Variants in PLEKHM1 observed in about 807,000 individuals in gnomAD.
The protein encoded by PLEKHM1 is pleckstrin homology and RUN domain containing M1, also known as pleckstrin homology domain-containing family M member 1.
PLEKHM1 carries 28 observed loss-of-function variants against 94.3 expected under a neutral mutation model. The observed-to-expected ratio is 0.30, with a 90% CI of 0.22 to 0.41. The LOEUF (loss-of-function observed/expected upper bound fraction) is 0.41, where lower values mean the gene tolerates loss of function less well. Ranked by LOEUF, PLEKHM1 falls within the 10% of genes least tolerant of loss-of-function variation. PLEKHM1 has a pLI of 1.00. For synonymous variants in PLEKHM1, 424 were observed against 581.2 expected, an observed-to-expected ratio of 0.73 and a Z score of 3.89; for missense variants, 907 against 1,358.6, an observed-to-expected ratio of 0.67 and a Z score of 5.22.
intron 5 of PLEKHM1, among the ~76,000 whole-genome samples, chr17:45,464,801 A>G (rs561197911): frequency 2.0e-5 from 3 of 152,358 alleles, no homozygotes; most frequent in South Asian, 4.1e-4. Context: ...TCGATGGTAC[A>G]CTTCGATGAC....
chr17:45,458,468 G>T (rs781580554), intron 5 of PLEKHM1, 29 bp from the exon 6 acceptor site: 50 of 1,597,376 alleles, frequency 3.1e-5, no homozygotes, highest in Middle Eastern at 1.7e-4. Flanking sequence ...ACAGTTGTTT[G>T]TTTTAAAGTT....
At position 45,436,961 on chromosome 17, in the gene PLEKHM1, C is replaced by A. The variant is rs554189954; in HGVS notation, c.*897G>T. ...GGCACCCACCAAGGTGGGCCTGGAG[C>A]ATCTGCAGCAGCGCCCCTGTCTGTA... On this transcript the variant is annotated 3_prime_UTR_variant, in exon 12 of 12. Coordinates refer to ENST00000430334, the MANE Select transcript of PLEKHM1 (RefSeq NM_014798.3). 31 of 447,596 alleles carry A rather than the reference C, an allele frequency of 6.9e-5. No homozygotes were observed. Among genetic ancestry groups the A allele is most frequent in the Non-Finnish European group, 1.3e-4 (28 of 221,398 alleles). The allele number at this position is 447,596 out of a possible 1,614,324, so 27.7% of individuals were successfully genotyped here.
At chr17:45,487,595 T>G (rs1483622438) in intron 1 of PLEKHM1, 2 of 409,204 alleles carry the variant, frequency 4.9e-6, no homozygotes, top group Admixed American at 2.7e-5. Context: ...TCTTAAATGT[T>G]CCAACATAGT....
At chr17:45,441,533 C>T (rs1284373751) in intron 9 of PLEKHM1, among the ~76,000 whole-genome samples, 1 of 152,172 alleles carries the variant, frequency 6.6e-6, no homozygotes, top group Non-Finnish European at 1.5e-5. Context: ...CTTCAGCTGG[C>T]AGGAGGGTGG....
chr17:45,480,672 A>G (rs1248551244), intron 2 of PLEKHM1, among the ~76,000 whole-genome samples: 1 of 152,266 alleles, frequency 6.6e-6, no homozygotes, highest in Non-Finnish European at 1.5e-5. Context: ...ATGAATAGAT[A>G]TCAATACAGC....
At chr17:45,479,295 G>A (rs111639757) in intron 2 of PLEKHM1, among the ~76,000 whole-genome samples, 1,631 of 152,100 alleles carry the variant, frequency 0.011, 19 homozygotes, top group Non-Finnish European at 0.02. Flanking sequence ...CGAGGTGGGC[G>A]GATCACGAGG....
intron 4 of PLEKHM1, among the ~76,000 whole-genome samples, chr17:45,472,041 T>C (rs1458509801): frequency 1.3e-5 from 2 of 152,236 alleles, no homozygotes; most frequent in Admixed American, 6.5e-5. Flanking sequence ...TTTATGCTTT[T>C]CTTTATGTTT....
intron 1 of PLEKHM1, chr17:45,487,645 G>A: frequency 2.2e-6 from 1 of 454,330 alleles, no homozygotes; most frequent in Non-Finnish European, 4.4e-6. Context: ...GCATTATACT[G>A]CCTGGCCTTC....
chr17:45,461,134 G>A (rs1188785993), intron 5 of PLEKHM1, among the ~76,000 whole-genome samples: 2 of 151,964 alleles, frequency 1.3e-5, no homozygotes, highest in Admixed American at 6.6e-5. Flanking sequence ...TGATCCACCC[G>A]CCTCGGCCTC....
intron 6 of PLEKHM1, among the ~76,000 whole-genome samples, chr17:45,456,598 A>G (rs2050956364): frequency 6.6e-6 from 1 of 152,240 alleles, no homozygotes; most frequent in Non-Finnish European, 1.5e-5. Context: ...GACCACAGCC[A>G]TCACACGGGC....
rs946049223 is a variant in PLEKHM1 at position 45,453,117 on chromosome 17, G to A, written c.2497+238C>T. 1 of 613,484 alleles carries A rather than the reference G, an allele frequency of 1.6e-6. No individual in the cohort carries two copies. Among genetic ancestry groups the A allele is most frequent in the African/African-American group, 1.8e-5 (1 of 54,386 alleles). 38.0% of individuals were successfully genotyped at this position (613,484 alleles called of 1,614,324 possible). A position where few individuals can be genotyped will look rare whatever the true frequency, so the allele number is the denominator to read the frequency against. On this transcript the variant is annotated intron_variant, in intron 7 of 11. Coordinates refer to ENST00000430334, the MANE Select transcript of PLEKHM1 (RefSeq NM_014798.3). The surrounding 1 kb of genome is among the most constrained non-coding windows in gnomAD (Gnocchi z 4.1). Reference sequence around the variant, plus strand: ...AGTAGCCAGCCTGCCGCCCATCAGTGGGAGGTGGCAGGAGAGGGACGGGTG... The same window carrying A: ...AGTAGCCAGCCTGCCGCCCATCAGTAGGAGGTGGCAGGAGAGGGACGGGTG...
In PLEKHM1 at chr17:45,454,815, C is replaced by G. The variant is rs995875307; in HGVS notation, c.1580-543G>C. On this transcript the variant is annotated intron_variant, in intron 6 of 11. Coordinates refer to ENST00000430334, the MANE Select transcript of PLEKHM1 (RefSeq NM_014798.3). ...TTTCTCAGGCCCCTTTACAGAAAAC[C>G]TGTTTGAAGAGGCATCAAAACTGTT... The G allele has an allele frequency of 1.5e-5, 3 of 203,218 alleles. No homozygotes were observed. In the Admixed American group the frequency reaches 1.6e-4, roughly 11 times the overall value. The allele number at this position is 203,218 out of a possible 1,614,324, so 12.6% of individuals were successfully genotyped here. A position where few individuals can be genotyped will look rare whatever the true frequency, so the allele number is the denominator to read the frequency against.
intron 11 of PLEKHM1, among the ~76,000 whole-genome samples, chr17:45,439,036 A>G (rs17631303): frequency 0.12 from 18,261 of 152,320 alleles, 1,529 homozygotes; most frequent in Middle Eastern, 0.21. Flanking sequence ...AATAACTGGG[A>G]ACAAGAGTGA....
At position 45,453,978 on chromosome 17, in the gene PLEKHM1, T is replaced by C. The variant is rs2050862841; in HGVS notation, c.1874A>G (p.Gln625Arg). ...ATCCTCCTGCTGAGGCCGGACCTTC[T>C]GCAGGGCCTCCCGCACCCGGTCCAG... is the stretch of plus-strand genomic sequence containing the variant. The part of the protein sequence containing the change: ...DWLDRVREAL[Q>R]KVRPQQEDEW... The change falls in exon 7 of 12, where the codon CAG (glutamine) becomes CGG (arginine). Residue 625 changes from glutamine to arginine, a missense_variant. Gln to Arg is a conservative substitution (Grantham distance 43). Coordinates refer to ENST00000430334, the MANE Select transcript of PLEKHM1 (RefSeq NM_014798.3). This position sits in a 1 kb window ranked among gnomAD's most constrained non-coding sequence, Gnocchi z 4.1. 2 of 1,613,862 alleles carry C rather than the reference T, an allele frequency of 1.2e-6. No homozygotes were observed. Among genetic ancestry groups the C allele is most frequent in the South Asian group, 2.2e-5 (2 of 91,086 alleles).
At chr17:45,481,036 A>G (rs1244467810) in intron 2 of PLEKHM1, among the ~76,000 whole-genome samples, 17 of 152,210 alleles carry the variant, frequency 1.1e-4, no homozygotes, top group Non-Finnish European at 1.6e-4. Context: ...CCCACCAGCA[A>G]TATATGAGTT....
intron 11 of PLEKHM1, 63 bp from the exon 12 acceptor site, chr17:45,438,032 T>C: frequency 7.9e-7 from 1 of 1,273,502 alleles, no homozygotes; most frequent in Non-Finnish European, 1.1e-6. Flanking sequence ...GTGGCCACGC[T>C]GGCCAGCCCT....
intron 10 of PLEKHM1, 36 bp from the exon 11 acceptor site, chr17:45,439,670 G>C: frequency 1.2e-6 from 2 of 1,611,390 alleles, no homozygotes; most frequent in Non-Finnish European, 1.7e-6. Flanking sequence ...CATACACCCC[G>C]TCTGCGATCT....
At chr17:45,456,538 A>G (rs1412896035) in intron 6 of PLEKHM1, among the ~76,000 whole-genome samples, 1 of 152,242 alleles carries the variant, frequency 6.6e-6, no homozygotes, top group Non-Finnish European at 1.5e-5. Flanking sequence ...CCTGCCCCTC[A>G]AGAAACCTGA....
chr17:45,459,042 C>T (rs55703888), intron 5 of PLEKHM1, among the ~76,000 whole-genome samples: 19,372 of 151,892 alleles, frequency 0.13, 1,579 homozygotes, highest in Middle Eastern at 0.21. Flanking sequence ...GCGGGAGAAT[C>T]GCTTGAGCCA....
Sources: gnomAD v4.1 joint callset for allele counts (sites outside exome capture counted in the v4.1 genomes callset) on GRCh38, gnomAD v4.1.1 for gene constraint, Gnocchi (gnomAD v3.1) non-coding constraint, MANE v1.5 for transcripts, NCBI Gene and HGNC (gene_info 2026-07-23, HGNC 2026-07-21) for gene names.